Variants in LOC400499 observed in about 807,000 individuals in gnomAD.
the LOC400499 span, among the ~76,000 whole-genome samples, chr16:11,415,674 A>T: frequency 1.3e-5 from 2 of 152,218 alleles, no homozygotes; most frequent in Non-Finnish European, 2.9e-5. Context: ...TGTTAACGAC[A>T]GGCAGAGCAT....
chr16:11,476,227 C>A, the LOC400499 span, among the ~76,000 whole-genome samples: 1 of 151,878 alleles, frequency 6.6e-6, no homozygotes, highest in Non-Finnish European at 1.5e-5. Flanking sequence ...GGCAGAGTCC[C>A]CATGGAGCAG....
At chr16:11,399,438 G>T in the LOC400499 span, 2 of 411,046 alleles carry the variant, frequency 4.9e-6, no homozygotes. Flanking sequence ...CCGCCTGGGG[G>T]TTCCCTGCCC....
At chr16:11,399,308 C>G in the LOC400499 span, 2 of 915,020 alleles carry the variant, frequency 2.2e-6, no homozygotes, top group Non-Finnish European at 2.6e-6. Flanking sequence ...AGGAAGGGAA[C>G]CATTTCACAG....
At chr16:11,427,600 T>C in the LOC400499 span, among the ~76,000 whole-genome samples, 10 of 151,860 alleles carry the variant, frequency 6.6e-5, no homozygotes, top group Middle Eastern at 3.4e-3. Context: ...TGCACCACCA[T>C]GCCCAACTAA....
chr16:11,480,999 G>A, the LOC400499 span, among the ~76,000 whole-genome samples: 12 of 152,214 alleles, frequency 7.9e-5, no homozygotes, highest in Admixed American at 5.9e-4. Context: ...ACATCCATAC[G>A]ATGAAATATG....
the LOC400499 span, among the ~76,000 whole-genome samples, chr16:11,473,799 C>G: frequency 6.6e-6 from 1 of 151,920 alleles, no homozygotes; most frequent in East Asian, 1.9e-4. Flanking sequence ...ACTTACCAAC[C>G]CAGGAGCCAG....
At chr16:11,500,190 G>C in the LOC400499 span, among the ~76,000 whole-genome samples, 5 of 152,128 alleles carry the variant, frequency 3.3e-5, no homozygotes, top group Non-Finnish European at 1.5e-5. Context: ...CAGGATAGAG[G>C]TACCACTGCC....
chr16:11,434,205 A>G, the LOC400499 span, among the ~76,000 whole-genome samples: 2 of 152,244 alleles, frequency 1.3e-5, no homozygotes, highest in African/African-American at 4.8e-5. Flanking sequence ...TTCATGGTAT[A>G]TAACACAAAG....
chr16:11,485,249 T>C, the LOC400499 span, among the ~76,000 whole-genome samples: 1 of 152,098 alleles, frequency 6.6e-6, no homozygotes, highest in Non-Finnish European at 1.5e-5. Flanking sequence ...TCCACCAATC[T>C]CTCTGTATCT....
At chr16:11,498,505 T>TAAATAAA in the LOC400499 span, among the ~76,000 whole-genome samples, 4,833 of 151,434 alleles carry the variant, frequency 0.032, 165 homozygotes, top group East Asian at 0.17. Context: ...GATTAAATAA[T>TAAATAAA]TAAATAAATA....
the LOC400499 span, chr16:11,469,681 A>C: frequency 3.8e-4 from 151 of 398,894 alleles, no homozygotes; most frequent in Non-Finnish European, 6.1e-4. Flanking sequence ...GAAATAGCAG[A>C]GTCTTCAAGA....
the LOC400499 span, chr16:11,387,321 A>G: frequency 8.1e-7 from 1 of 1,231,900 alleles, no homozygotes; most frequent in Non-Finnish European, 1.0e-6. Flanking sequence ...AGGACAAGTC[A>G]CTGTGCCTGC....
the LOC400499 span, chr16:11,390,538 G>A: frequency 1.7e-6 from 2 of 1,151,700 alleles, no homozygotes; most frequent in Non-Finnish European, 2.2e-6. Flanking sequence ...GACACGCCAG[G>A]CCTCGAGGAG....
chr16:11,450,868 G>A, the LOC400499 span: 1 of 1,488,268 alleles, frequency 6.7e-7, no homozygotes. Context: ...TAGAGAGGAA[G>A]CTTCTAGCAG....
chr16:11,474,630 C>G, the LOC400499 span, among the ~76,000 whole-genome samples: 9 of 151,088 alleles, frequency 6.0e-5, no homozygotes, highest in African/African-American at 1.2e-4. Context: ...GAAGCCAAGG[C>G]AGGTGGATCA....
the LOC400499 span, among the ~76,000 whole-genome samples, chr16:11,477,627 T>C: frequency 6.6e-6 from 1 of 152,344 alleles, no homozygotes; most frequent in East Asian, 1.9e-4. Flanking sequence ...TGACTGGACC[T>C]CTCTGAGCCT....
At chr16:11,411,852 T>C in the LOC400499 span, among the ~76,000 whole-genome samples, 1 of 59,456 alleles carries the variant, frequency 1.7e-5, no homozygotes, top group African/African-American at 4.4e-5. Context: ...TTTTTCTCTT[T>C]TTCTTTTTTT....
chr16:11,388,526 G>A, the LOC400499 span, among the ~76,000 whole-genome samples: 1 of 152,134 alleles, frequency 6.6e-6, no homozygotes, highest in Non-Finnish European at 1.5e-5. Flanking sequence ...TTGGAGCCCG[G>A]TTCCTGGTGG....
chr16:11,488,665 T>C, the LOC400499 span: 2 of 398,148 alleles, frequency 5.0e-6, no homozygotes, highest in Non-Finnish European at 8.9e-6. Context: ...CCCCCAGCCT[T>C]TGTGGTTCCA....
Sources: gnomAD v4.1 joint callset for allele counts (sites outside exome capture counted in the v4.1 genomes callset) on GRCh38, gnomAD v4.1.1 for gene constraint, MANE v1.5 for transcripts.